The following SYNE2 variants were observed in gnomAD, a reference collection of about 807,000 sequenced individuals.
The protein encoded by SYNE2 is nesprin-2.
In SYNE2, 431 loss-of-function variants were observed where a neutral mutation model predicts 856.3. The observed-to-expected ratio is 0.50, with a 90% CI of 0.47 to 0.55. The LOEUF (loss-of-function observed/expected upper bound fraction) is 0.55, where lower values mean the gene tolerates loss of function less well. Among genes scored for constraint, SYNE2 ranks in the 20% least tolerant of loss-of-function variants. The pLI is 0.00. For synonymous variants in SYNE2, 2,923 were observed against 2,872.3 expected, an observed-to-expected ratio of 1.02 and a Z score of -0.56; for missense variants, 8,129 against 8,023.2, an observed-to-expected ratio of 1.01 and a Z score of -0.50.
intron 27 of SYNE2, among the ~76,000 whole-genome samples, 153 bp downstream of exon 27, chr14:63,999,193 G>C (rs2096735515): frequency 6.6e-6 from 1 of 152,154 alleles, no homozygotes; most frequent in African/African-American, 2.4e-5. Flanking sequence ...TGTCACCCTA[G>C]TCCATAAAGT....
At chr14:64,095,727 T>G (rs547742818) in intron 61 of SYNE2, among the ~76,000 whole-genome samples, 46 of 152,318 alleles carry the variant, frequency 3.0e-4, no homozygotes, top group Non-Finnish European at 5.0e-4. Flanking sequence ...ATATGCATAC[T>G]TTCCATTTTT....
At chr14:63,837,077 C>T (rs957865936) in intron 1 of SYNE2, among the ~76,000 whole-genome samples, 14 of 152,126 alleles carry the variant, frequency 9.2e-5, no homozygotes, top group African/African-American at 3.4e-4. Context: ...CTAAGGGAAA[C>T]TCTTAAGGAT....
At chr14:64,224,963 C>G (rs1383476144) in intron 114 of SYNE2, 36 bp from the exon 115 acceptor site, 2 of 1,601,508 alleles carry the variant, frequency 1.2e-6, no homozygotes, top group Non-Finnish European at 1.7e-6. Context: ...ACTAAACTGT[C>G]TTCAACTTAC....
At chr14:64,044,757 C>T (rs2097173568) in intron 45 of SYNE2, among the ~76,000 whole-genome samples, 1 of 152,156 alleles carries the variant, frequency 6.6e-6, no homozygotes, top group Non-Finnish European at 1.5e-5. Context: ...CACACAACCT[C>T]TTTCTTTCTG....
intron 1 of SYNE2, among the ~76,000 whole-genome samples, chr14:63,830,138 A>G (rs555003192): frequency 1.3e-4 from 20 of 152,258 alleles, no homozygotes; most frequent in African/African-American, 4.1e-4. Context: ...CCATCCATAT[A>G]TTATATCATT....
rs2097943974 is a variant in SYNE2 at position 64,126,248 on chromosome 14, T to C, written c.13555-79T>C. ...GAAGCATAACATAAATCATAAACTA[T>C]AATGGAAACTAGGCAAAATATAGGT... On this transcript the variant is annotated intron_variant, in intron 71 of 115. Transcript: ENST00000555002. 17 of 1,281,566 alleles carry C rather than the reference T, an allele frequency of 1.3e-5. No individual in the cohort carries two copies. In the South Asian group the frequency reaches 1.5e-4, roughly 11 times the overall value. The allele number at this position is 1,281,566 out of a possible 1,614,324, so 79.4% of individuals were successfully genotyped here.
At chr14:64,119,373 A>C (rs2097880539) in intron 66 of SYNE2, 54 bp from the exon 67 acceptor site, 1 of 1,606,078 alleles carries the variant, frequency 6.2e-7, no homozygotes, top group African/African-American at 1.3e-5. Flanking sequence ...GTTTGCAGGC[A>C]CAATACTTCT....
At position 63,998,973 on chromosome 14, in the gene SYNE2, C is replaced by T. The variant is rs1356692861; in HGVS notation, c.3413C>T (p.Thr1138Ile). The T allele has an allele frequency of 6.2e-7, 1 of 1,613,990 alleles. No individual in the cohort carries two copies. Among genetic ancestry groups the T allele is most frequent in the Non-Finnish European group, 8.5e-7 (1 of 1,179,864 alleles). The change falls in exon 27 of 116, where the codon ACT becomes ATT. Residue 1138 changes from threonine (T) to isoleucine (I), a missense_variant. Transcript: ENST00000555002. ...CTGCAAAACAACAAATTCAGGATTA[C>T]TTCTGATTTCTCTAGTGAAGAGGAC... ...HHLQNNKFRI[T>I]SDFSSEEDRS...
chr14:64,152,718 T>A lies in SYNE2; in HGVS notation c.15792+2T>A. On this transcript the variant is annotated splice_donor_variant, in intron 85 of 115. Transcript: ENST00000555002. LOFTEE classifies it high-confidence loss of function. ...AAGAGAAGCAGTGTTCTCACTCAGG[T>A]ACTAGAATTCATTTGAAATGTGCTA... 6.2e-7 allele frequency: 1 copy of A among 1,614,030 alleles called. No homozygotes were observed. Among genetic ancestry groups the A allele is most frequent in the East Asian group, 2.2e-5 (1 of 44,854 alleles).
chr14:63,821,591 TA>T (rs748850001), intron 1 of SYNE2, among the ~76,000 whole-genome samples: 2,015 of 142,240 alleles, frequency 0.014, 30 homozygotes, highest in African/African-American at 0.045. Flanking sequence ...CCATCTCTAT[TA>T]AAAAAAAAAA....
chr14:63,776,781 C>T (rs998238015), intron 1 of SYNE2, among the ~76,000 whole-genome samples: 3 of 151,634 alleles, frequency 2.0e-5, no homozygotes, highest in Admixed American at 6.6e-5. Context: ...TTGTATTTTT[C>T]GTAGAGATGG....
chr14:64,020,766 A>G (rs2096930192), intron 35 of SYNE2, among the ~76,000 whole-genome samples: 1 of 152,136 alleles, frequency 6.6e-6, no homozygotes, highest in African/African-American at 2.4e-5. Flanking sequence ...TTGTGTGAAG[A>G]GATTTGTTTT....
chr14:64,027,735 G>C lies in SYNE2; in HGVS notation c.6656G>C (p.Ser2219Thr), dbSNP rs368779322. 6.2e-7 allele frequency: 1 copy of C among 1,613,784 alleles called. No individual in the cohort carries two copies. The highest frequency in any genetic ancestry group is 8.5e-7 in the Non-Finnish European group (1 of 1,179,958). ...GAGTGCACTAAAAATCCCAGCTTCAGTGAAGAGCCTTGGCTGGAAATAAAG... is the reference window on the plus strand; with the variant it reads ...GAGTGCACTAAAAATCCCAGCTTCACTGAAGAGCCTTGGCTGGAAATAAAG... ...LLECTKNPSF[S>T]EEPWLEIKHL... The change falls in exon 43 of 116, where the codon AGT (serine) becomes ACT (threonine). Residue 2219 changes from serine (S) to threonine (T), a missense_variant. This residue lies in a region of SYNE2 where 297 missense variants were observed against 380.9 expected (regional missense o/e 0.78). Coordinates refer to ENST00000555002, the MANE Select transcript of SYNE2 (RefSeq NM_182914.3).
intron 18 of SYNE2, among the ~76,000 whole-genome samples, chr14:63,985,299 C>T (rs1442446526): frequency 2.2e-5 from 3 of 134,810 alleles, no homozygotes; most frequent in South Asian, 2.3e-4. Flanking sequence ...CACCGCACTC[C>T]AGCCTGGGTG....
chr14:64,119,816 T>C (rs1053197858), intron 67 of SYNE2, among the ~76,000 whole-genome samples: 1 of 152,208 alleles, frequency 6.6e-6, no homozygotes, highest in Non-Finnish European at 1.5e-5. Context: ...TAGGTTGTTG[T>C]TGGTGATGGC....
intron 1 of SYNE2, among the ~76,000 whole-genome samples, chr14:63,779,188 G>A (rs190881609): frequency 1.1e-4 from 16 of 151,708 alleles, no homozygotes; most frequent in African/African-American, 2.4e-4. Flanking sequence ...AGCCTGACAT[G>A]GTGGCATGTG....
chr14:64,162,493 T>C (rs1247999521), intron 88 of SYNE2: 3 of 604,030 alleles, frequency 5.0e-6, no homozygotes, highest in Admixed American at 4.9e-5. Flanking sequence ...GGGGACTCGA[T>C]ATCACCTCGT....
chr14:64,224,181 C>CAAAAAAAA (rs35804232), intron 113 of SYNE2, among the ~76,000 whole-genome samples: 6,649 of 74,298 alleles, frequency 0.089, 671 homozygotes, highest in African/African-American at 0.22. Flanking sequence ...CCCGTCTCTG[C>CAAAAAAAA]AAAAAAAAAA....
intron 1 of SYNE2, among the ~76,000 whole-genome samples, chr14:63,886,477 A>G (rs75914118): frequency 0.033 from 4,975 of 152,298 alleles, 284 homozygotes; most frequent in African/African-American, 0.11. Context: ...AGAGGTAGGT[A>G]AAACAATGTA....
Sources: gnomAD v4.1 joint callset for allele counts (sites outside exome capture counted in the v4.1 genomes callset) on GRCh38, gnomAD v4.1.1 for gene constraint, gnomAD v4.1.1 regional missense constraint, MANE v1.5 for transcripts, NCBI Gene and HGNC (gene_info 2026-07-23, HGNC 2026-07-21) for gene names.